Variants in NCKAP5 observed in about 807,000 individuals in gnomAD.
The protein encoded by NCKAP5 is nck-associated protein 5.
Under a neutral mutation model 167.0 loss-of-function variants are expected in NCKAP5, and 92 were observed. The ratio of observed to expected loss-of-function variants is 0.55; its 90% CI spans 0.47 to 0.66. The LOEUF is 0.66. Among genes scored for constraint, NCKAP5 ranks in the 30% least tolerant of loss-of-function variants. The pLI is 0.00. For synonymous variants in NCKAP5, 891 were observed against 877.4 expected, an observed-to-expected ratio of 1.02 and a Z score of -0.27; for missense variants, 2,378 against 2,315.0, an observed-to-expected ratio of 1.03 and a Z score of -0.56.
intron 4 of NCKAP5, among the ~76,000 whole-genome samples, chr2:133,268,052 G>A (rs2089326609): frequency 6.6e-6 from 1 of 152,154 alleles, no homozygotes; most frequent in Non-Finnish European, 1.5e-5. Context: ...TAATTTGTTG[G>A]ATAAACAAAT....
intron 5 of NCKAP5, among the ~76,000 whole-genome samples, chr2:133,132,333 C>T (rs2149803369): frequency 6.6e-6 from 1 of 151,884 alleles, no homozygotes; most frequent in Non-Finnish European, 1.5e-5. Context: ...AACAGCATCC[C>T]TCCTTCCTTC....
At chr2:133,299,846 C>T (rs980267978) in intron 4 of NCKAP5, among the ~76,000 whole-genome samples, 5 of 152,004 alleles carry the variant, frequency 3.3e-5, no homozygotes, top group Admixed American at 6.5e-5. Context: ...TGAGGCATCA[C>T]GTAATTAAGC....
chr2:133,403,168 G>A (rs115564206), intron 3 of NCKAP5, among the ~76,000 whole-genome samples: 329 of 152,288 alleles, frequency 2.2e-3, no homozygotes, highest in Admixed American at 4.5e-3. Context: ...GATTTAGAAA[G>A]TGAGCCTGCA....
At chr2:133,535,574 G>T (rs989680947) in intron 2 of NCKAP5, among the ~76,000 whole-genome samples, 4 of 151,822 alleles carry the variant, frequency 2.6e-5, no homozygotes, top group Admixed American at 6.6e-5. Context: ...TGGACACTTA[G>T]GTTGATTCCA....
At chr2:132,681,918 C>T (rs747588620) in intron 19 of NCKAP5, among the ~76,000 whole-genome samples, 14 of 152,166 alleles carry the variant, frequency 9.2e-5, no homozygotes, top group Non-Finnish European at 1.8e-4. Context: ...AGCTAAGGTT[C>T]ATCCAGGAAC....
At chr2:133,523,892 T>C (rs760011713) in intron 2 of NCKAP5, among the ~76,000 whole-genome samples, 1 of 152,184 alleles carries the variant, frequency 6.6e-6, no homozygotes, top group Non-Finnish European at 1.5e-5. Context: ...TTCACCCTGG[T>C]TGTACCTTAG....
At chr2:133,221,897 T>C (rs10201791) in intron 4 of NCKAP5, among the ~76,000 whole-genome samples, 3,390 of 152,320 alleles carry the variant, frequency 0.022, 55 homozygotes, top group South Asian at 0.034. Context: ...TAGACTTTTG[T>C]TCAGCACCAT....
intron 8 of NCKAP5, among the ~76,000 whole-genome samples, chr2:132,960,617 G>A (rs769044347): frequency 2.6e-5 from 4 of 152,260 alleles, no homozygotes; most frequent in South Asian, 2.1e-4. Context: ...AATGTGAGTC[G>A]GAACTTACCC....
At chr2:133,208,097 A>AG (rs2086036995) in intron 5 of NCKAP5, among the ~76,000 whole-genome samples, 2 of 152,230 alleles carry the variant, frequency 1.3e-5, no homozygotes, top group African/African-American at 4.8e-5. Flanking sequence ...CCAACACTTC[A>AG]GGAGGCCAAG....
At chr2:133,031,785 G>A (rs1359037644) in intron 6 of NCKAP5, among the ~76,000 whole-genome samples, 1 of 152,074 alleles carries the variant, frequency 6.6e-6, no homozygotes, top group Non-Finnish European at 1.5e-5. Flanking sequence ...AGCCACAGCA[G>A]GATACGGCAC....
At chr2:133,413,219 TG>T (rs953580507) in intron 3 of NCKAP5, among the ~76,000 whole-genome samples, 1 of 152,214 alleles carries the variant, frequency 6.6e-6, no homozygotes, top group African/African-American at 2.4e-5. Context: ...ACTGGAAGAC[TG>T]GAAAAGGATC....
chr2:133,162,173 T>G (rs769293303), intron 5 of NCKAP5, among the ~76,000 whole-genome samples: 1 of 152,242 alleles, frequency 6.6e-6, no homozygotes, highest in African/African-American at 2.4e-5. Context: ...AAAAAGGATG[T>G]TCTACATAAA....
intron 11 of NCKAP5, among the ~76,000 whole-genome samples, chr2:132,837,475 C>G (rs570790430): frequency 2.0e-5 from 3 of 152,226 alleles, no homozygotes; most frequent in African/African-American, 7.2e-5. Context: ...TCCAGCCCTT[C>G]TACTGCGTCT....
rs75934645 is a variant in NCKAP5, at chr2:132,974,472, T to C, written c.430-10603A>G. 8.0e-3 allele frequency among the ~76,000 whole-genome samples: 1,213 copies of C among 152,280 alleles called. 15 individuals carry two copies. Among genetic ancestry groups the C allele is most frequent in the African/African-American group, 0.028 (1,165 of 41,548 alleles). On this transcript the variant is annotated intron_variant, in intron 7 of 19. Transcript: ENST00000409261. ...ACAATTTTACATATGGCAAGGGCGA[T>C]ATAGGGCAAATATTCTGGACTCCCT... is the stretch of plus-strand genomic sequence containing the variant.
At chr2:132,819,259 C>G (rs1208778348) in intron 11 of NCKAP5, among the ~76,000 whole-genome samples, 2 of 152,124 alleles carry the variant, frequency 1.3e-5, no homozygotes, top group Non-Finnish European at 2.9e-5. Flanking sequence ...TGCCATTTAC[C>G]TCTAGAACCT....
chr2:132,875,221 GC>G (rs918515856), intron 9 of NCKAP5, among the ~76,000 whole-genome samples: 24 of 152,176 alleles, frequency 1.6e-4, no homozygotes, highest in African/African-American at 5.6e-4. Flanking sequence ...GACACAGCCA[GC>G]AGTATTTTTA....
intron 6 of NCKAP5, among the ~76,000 whole-genome samples, chr2:133,050,665 TTAGTC>T (rs1171157373): frequency 2.6e-5 from 4 of 152,204 alleles, no homozygotes; most frequent in Admixed American, 6.5e-5. Context: ...TTCTGAAACA[TTAGTC>T]TAGGTATATT....
chr2:133,200,424 C>T (rs2150119058), intron 5 of NCKAP5, among the ~76,000 whole-genome samples: 1 of 152,008 alleles, frequency 6.6e-6, no homozygotes, highest in Non-Finnish European at 1.5e-5. Context: ...TAGCCACATG[C>T]AAAAGAATGA....
chr2:132,783,753 A>G lies in NCKAP5; in HGVS notation c.3058T>C (p.Cys1020Arg). ...PSPEAVIQTR[C>R]PAHAPSSSFT... is the part of the protein sequence containing the mutation. ...GAGCTGGAGGGGGCATGAGCAGGGC[A>G]TCGGGTTTGAATGACTGCTTCTGGG... is the stretch of plus-strand genomic sequence containing the variant. The change falls in exon 14 of 20, where the codon TGC becomes CGC. Residue 1020 changes from cysteine (C) to arginine (R), a missense_variant. This residue lies in a region of NCKAP5 where 1,325 missense variants were observed against 1,274.5 expected (regional missense o/e 1.04). Transcript: ENST00000409261. The G allele has an allele frequency of 1.9e-6, 3 of 1,596,384 alleles. No individual in the cohort carries two copies. The highest frequency in any genetic ancestry group is 2.2e-5 in the East Asian group (1 of 44,766).
Sources: gnomAD v4.1 joint callset for allele counts (sites outside exome capture counted in the v4.1 genomes callset) on GRCh38, gnomAD v4.1.1 for gene constraint, gnomAD v4.1.1 regional missense constraint, MANE v1.5 for transcripts, NCBI Gene and HGNC (gene_info 2026-07-23, HGNC 2026-07-21) for gene names.